PES1: variants seen among roughly 807,000 people sequenced by gnomAD.
PES1 encodes pescadillo ribosomal biogenesis factor 1.
In PES1, 31 loss-of-function variants were observed where a neutral mutation model predicts 77.1. The ratio of observed to expected loss-of-function variants is 0.40; its 90% CI spans 0.30 to 0.54. The LOEUF is 0.54. Among genes scored for constraint, PES1 ranks in the 20% least tolerant of loss-of-function variants. The pLI, the probability that PES1 is intolerant of heterozygous loss-of-function variation, is 0.45. For missense variants in PES1, 658 were observed against 771.7 expected (o/e 0.85, Z 1.75); for synonymous variants, 282 against 303.0 (o/e 0.93, Z 0.72).
intron 4 of PES1, among the ~76,000 whole-genome samples, chr22:30,586,154 G>A (rs1291194804): frequency 6.6e-6 from 1 of 152,234 alleles, no homozygotes; most frequent in East Asian, 1.9e-4. Context: ...CTTGGTGTGT[G>A]TATGAATCCA....
chr22:30,603,373 T>C (rs2087388007), intron 2 of PES1, among the ~76,000 whole-genome samples: 1 of 151,940 alleles, frequency 6.6e-6, no homozygotes, highest in Non-Finnish European at 1.5e-5. Context: ...TTTCTGTTTT[T>C]GTTTGTTTTT....
At chr22:30,592,319 C>T (rs1033360106), upstream of PES1, 3 of 990,812 alleles carry the variant, frequency 3.0e-6, no homozygotes, top group Non-Finnish European at 3.6e-6. Flanking sequence ...TGCTGAGAAG[C>T]GGTTCCCGAG....
At position 30,603,815 on chromosome 22, in the gene PES1, G is replaced by A. The variant is rs1387383535; in HGVS notation, c.-661+1646C>T. ...GCATACAATTTTATTTTTCTCTTTT[G>A]GGTTAATTTTTAGGCTAGTCCTCGC... is the stretch of plus-strand genomic sequence containing the variant. On this transcript the variant is annotated intron_variant, in intron 2 of 16. Transcript: ENST00000402281. The A allele has an allele frequency of 4.6e-5, 7 of 151,870 alleles. No individual in the cohort carries two copies. The South Asian group carries it at 1.5e-3, about 32-fold the overall frequency. The allele number at this position is 151,870 out of a possible 1,614,324, so 9.4% of individuals were successfully genotyped here.
intron 2 of PES1, among the ~76,000 whole-genome samples, chr22:30,602,110 C>G (rs1023300116): frequency 6.6e-6 from 1 of 151,810 alleles, no homozygotes; most frequent in Non-Finnish European, 1.5e-5. Context: ...TGGTTTGGCT[C>G]TGTGTCCCCA....
At chr22:30,597,004 C>T (rs551801555) in intron 2 of PES1, among the ~76,000 whole-genome samples, 6 of 152,332 alleles carry the variant, frequency 3.9e-5, no homozygotes, top group South Asian at 4.1e-4. Context: ...GGCTTAGCAC[C>T]GGGCCAGCCG....
chr22:30,594,673 A>T (rs2087230129), upstream of PES1, among the ~76,000 whole-genome samples: 1 of 151,928 alleles, frequency 6.6e-6, no homozygotes, highest in Admixed American at 6.6e-5. Context: ...CGCCTTAAAA[A>T]AAAAAAAAAA....
In PES1 at chr22:30,580,144, A is replaced by C; in HGVS notation, c.1078T>G (p.Leu360Val). The C allele has an allele frequency of 1.2e-6, 2 of 1,613,990 alleles. No homozygotes were observed. Among genetic ancestry groups the C allele is most frequent in the Non-Finnish European group, 1.7e-6 (2 of 1,179,968 alleles). ...FGGEVSWDKS[L>V]CIGATYDVTD... is the part of the protein sequence containing the mutation. ...ACGTCATAGGTGGCCCCAATGCACA[A>C]AGATTTGTCCCAGGACACTTCCCCA... Residue 360 changes from leucine (L) to valine (V), a missense_variant, in exon 11 of 15, where the codon TTG becomes GTG. By Grantham distance (32) the Leu-to-Val change is conservative (BLOSUM62 1). Coordinates refer to ENST00000354694, the MANE Select transcript of PES1 (RefSeq NM_014303.4).
chr22:30,587,519 T>G (rs547528750), intron 3 of PES1, 124 bp from the exon 4 acceptor site: 1 of 696,660 alleles, frequency 1.4e-6, no homozygotes, highest in Non-Finnish European at 2.4e-6. Context: ...CACGGCTATG[T>G]GCCTGTGTCA....
At chr22:30,594,534 C>T (rs923784484), upstream of PES1, among the ~76,000 whole-genome samples, 1 of 152,006 alleles carries the variant, frequency 6.6e-6, no homozygotes, top group Non-Finnish European at 1.5e-5. Flanking sequence ...AAAAAATTAG[C>T]TTGGCACGGT....
upstream of PES1, among the ~76,000 whole-genome samples, chr22:30,596,801 C>T (rs1376890552): frequency 6.6e-6 from 1 of 152,236 alleles, no homozygotes; most frequent in Non-Finnish European, 1.5e-5. Context: ...ACCGTGGGAG[C>T]CCTTCTCTGG....
upstream of PES1, chr22:30,592,165 G>T: frequency 2.7e-6 from 3 of 1,125,548 alleles, no homozygotes; most frequent in Non-Finnish European, 3.3e-6. Context: ...GAGCCTCGTT[G>T]CATGTTGGGA....
chr22:30,583,428 C>T (rs970896414), intron 6 of PES1, among the ~76,000 whole-genome samples: 1 of 152,260 alleles, frequency 6.6e-6, no homozygotes, highest in African/African-American at 2.4e-5. Flanking sequence ...AGCCACTGTG[C>T]TAACTGGACC....
chr22:30,601,418 G>C (rs1012997260), intron 2 of PES1, among the ~76,000 whole-genome samples: 1 of 152,024 alleles, frequency 6.6e-6, no homozygotes, highest in Non-Finnish European at 1.5e-5. Flanking sequence ...GGGTTCCAGC[G>C]ATTCTCCTGC....
At chr22:30,586,952 T>G (rs2087100432) in intron 4 of PES1, 1 of 276,962 alleles carries the variant, frequency 3.6e-6, no homozygotes, top group East Asian at 8.4e-5. Context: ...CTAGCCATGC[T>G]TCCCACGTCT....
Position 30,589,274 on chromosome 22 carries a change from G to A in PES1, c.25-4C>T. On this transcript the variant is annotated splice_polypyrimidine_tract_variant and splice_region_variant and intron_variant, in intron 1 of 14. Coordinates refer to ENST00000354694, the MANE Select transcript of PES1 (RefSeq NM_014303.4). Reference sequence around the variant, plus strand: ...TGGTGGCCGAGCCTCGTTCATACTGGGAGAGGAAAAAAACAATTCTCCATT... The same window carrying A: ...TGGTGGCCGAGCCTCGTTCATACTGAGAGAGGAAAAAAACAATTCTCCATT... 1 of 1,611,626 alleles carries A rather than the reference G, an allele frequency of 6.2e-7. No homozygotes were observed. The highest frequency in any genetic ancestry group is 8.5e-7 in the Non-Finnish European group (1 of 1,178,608).
chr22:30,598,884 AATTTTTTTTTT>A (rs2087308323), intron 2 of PES1, among the ~76,000 whole-genome samples: 1 of 46,260 alleles, frequency 2.2e-5, no homozygotes, highest in African/African-American at 7.5e-5. Flanking sequence ...ACTTAAGTAA[AATTTTTTTTTT>A]TTTTTTTTTT....
At chr22:30,591,931 C>A (rs1041316486), upstream of PES1, 13 of 1,466,340 alleles carry the variant, frequency 8.9e-6, no homozygotes, top group South Asian at 1.1e-4. Context: ...CTCCCCACCC[C>A]ACGCTGTCTG....
rs2087121064 is a variant in PES1, at chr22:30,588,142, T to C, written c.137A>G (p.His46Arg). The change falls in exon 3 of 15, where the codon CAT becomes CGT. Residue 46 changes from histidine to arginine, a missense_variant. Physicochemically the swap from His to Arg is conservative, Grantham distance 29. Transcript: ENST00000354694. ...RLCILKGIYP[H>R]EPKHKKKVNK... ...AACCTTCTTCTTGTGTTTGGGTTCA[T>C]GGGGATAAATGCCCTTCAGAATGCA... The C allele has an allele frequency of 6.2e-7, 1 of 1,614,088 alleles. No homozygotes were observed. Among genetic ancestry groups the C allele is most frequent in the African/African-American group, 1.3e-5 (1 of 74,926 alleles).
intron 4 of PES1, among the ~76,000 whole-genome samples, chr22:30,586,272 C>T (rs1282884278): frequency 6.6e-6 from 1 of 152,154 alleles, no homozygotes; most frequent in Non-Finnish European, 1.5e-5. Context: ...GGGACCTGCT[C>T]GGGCTAGGAA....
Sources: allele counts gnomAD v4.1 joint callset (sites outside exome capture counted in the v4.1 genomes callset), GRCh38; gene constraint gnomAD v4.1.1; transcripts MANE v1.5; gene names NCBI Gene and HGNC (gene_info 2026-07-23, HGNC 2026-07-21).